Variants in ADD1 observed in about 807,000 individuals in gnomAD.
The protein encoded by ADD1 is adducin 1, also known as alpha-adducin.
In ADD1, 24 loss-of-function variants were observed where a neutral mutation model predicts 80.5. The ratio of observed to expected loss-of-function variants is 0.30; its 90% CI spans 0.22 to 0.42. The LOEUF is 0.42. Ranked by LOEUF, ADD1 falls within the 10% of genes least tolerant of loss-of-function variation. The probability of loss-of-function intolerance (pLI) is 1.00; values close to 1 mark genes in which losing one functional copy is unlikely to be tolerated. For synonymous variants in ADD1, 373 were observed against 393.8 expected, an observed-to-expected ratio of 0.95 and a Z score of 0.63; for missense variants, 948 against 1,019.0, an observed-to-expected ratio of 0.93 and a Z score of 0.95.
chr4:2,877,128 G>GT (rs1731483025), intron 2 of ADD1, among the ~76,000 whole-genome samples: 1 of 152,152 alleles, frequency 6.6e-6, no homozygotes, highest in South Asian at 2.1e-4. Flanking sequence ...CCAACTGAGT[G>GT]TTTTCCAGAT....
rs762826169 is a variant in ADD1 at position 2,875,955 on chromosome 4, C to A, written c.40C>A (p.Pro14Thr). ...DSRAAVVTSP[P>T]PTTAPHKERY... ...TCGTGCTGCGGTGGTGACCTCACCA[C>A]CCCCGACCACAGCCCCTCACAAGGA... The change falls in exon 2 of 16, where the codon CCC becomes ACC. Residue 14 changes from proline (P) to threonine (T), a missense_variant. Coordinates refer to ENST00000683351, the MANE Select transcript of ADD1 (RefSeq NM_001354761.2). The A allele has an allele frequency of 6.2e-7, 1 of 1,613,006 alleles. No homozygotes were observed. Among genetic ancestry groups the A allele is most frequent in the African/African-American group, 1.3e-5 (1 of 74,990 alleles).
intron 6 of ADD1, among the ~76,000 whole-genome samples, chr4:2,894,982 C>T (rs1014361792): frequency 1.3e-5 from 2 of 151,828 alleles, no homozygotes; most frequent in South Asian, 2.1e-4. Context: ...AACAATTGGC[C>T]GGGCATGGTG....
chr4:2,920,967 G>C (rs1173883206), intron 14 of ADD1, among the ~76,000 whole-genome samples: 1 of 152,124 alleles, frequency 6.6e-6, no homozygotes, highest in Non-Finnish European at 1.5e-5. Flanking sequence ...TTTGCAGTGG[G>C]TGGAACTGGT....
intron 3 of ADD1, among the ~76,000 whole-genome samples, chr4:2,882,950 C>T (rs934030321): frequency 2.0e-5 from 3 of 152,114 alleles, no homozygotes; most frequent in Admixed American, 6.5e-5. Context: ...AAACTACCAC[C>T]TCCCAGGTTC....
Position 2,904,950 on chromosome 4 carries a change from T to C in ADD1, c.1348T>C (p.Ser450Pro), listed in dbSNP as rs1428445669. Residue 450 changes from serine (S) to proline (P), a missense_variant, in exon 10 of 16, where the codon TCT becomes CCT. Coordinates refer to ENST00000683351, the MANE Select transcript of ADD1 (RefSeq NM_001354761.2). The stretch of plus-strand genomic sequence containing the variant: ...GCGGGAGAAGACAAGATGGCTGAAC[T>C]CTGGCCGGGGCGACGAAGCTTCCGA... The part of the protein sequence containing the change: ...QQREKTRWLN[S>P]GRGDEASEEG... 6 of 1,614,200 alleles carry C rather than the reference T, an allele frequency of 3.7e-6. No individual in the cohort carries two copies. The highest frequency in any genetic ancestry group is 5.1e-6 in the Non-Finnish European group (6 of 1,180,030).
chr4:2,893,294 G>A (rs1165839461), intron 4 of ADD1, among the ~76,000 whole-genome samples: 2 of 151,056 alleles, frequency 1.3e-5, no homozygotes, highest in Admixed American at 6.6e-5. Flanking sequence ...AAAAAAAAAA[G>A]GACATTCTGT....
intron 3 of ADD1, among the ~76,000 whole-genome samples, chr4:2,883,912 C>T (rs913778262): frequency 1.1e-4 from 16 of 152,188 alleles, no homozygotes; most frequent in Admixed American, 2.0e-4. Flanking sequence ...ACCTTGTGAT[C>T]CTCCCGCCTC....
At chr4:2,855,010 C>T (rs1727856230) in intron 1 of ADD1, 1 of 152,206 alleles carries the variant, frequency 6.6e-6, no homozygotes, top group Non-Finnish European at 1.5e-5. Context: ...GGCTGCATCA[C>T]TCCAATCTTT....
chr4:2,880,463 C>CTTTTTTTT (rs1167878841), intron 2 of ADD1, among the ~76,000 whole-genome samples: 1,514 of 63,364 alleles, frequency 0.024, 68 homozygotes, highest in Non-Finnish European at 0.03. Context: ...TTCTTTCTTT[C>CTTTTTTTT]TTTTTTTTTT....
rs1164133602 is a variant in ADD1, at chr4:2,881,989, A to G, written c.287A>G (p.Asp96Gly). 1 of 1,613,324 alleles carries G rather than the reference A, an allele frequency of 6.2e-7. No homozygotes were observed. The highest frequency in any genetic ancestry group is 8.5e-7 in the Non-Finnish European group (1 of 1,179,864). ...CTATTGGCATTACAGCAGATTGCAGATTTTATGACCACGAATGTACCAAAT... is the reference window on the plus strand; with the variant it reads ...CTATTGGCATTACAGCAGATTGCAGGTTTTATGACCACGAATGTACCAAAT... ...TGLLALQQIA[D>G]FMTTNVPNVY... is the part of the protein sequence containing the mutation. The change falls in exon 3 of 16, where the codon GAT (aspartate) becomes GGT (glycine). Residue 96 changes from aspartate to glycine, a missense_variant. Coordinates refer to ENST00000683351, the MANE Select transcript of ADD1 (RefSeq NM_001354761.2).
At chr4:2,873,051 C>A (rs1052100747) in intron 1 of ADD1, among the ~76,000 whole-genome samples, 1 of 151,730 alleles carries the variant, frequency 6.6e-6, no homozygotes, top group South Asian at 2.1e-4. Flanking sequence ...TGGAGTGCAG[C>A]GGCATGACTC....
chr4:2,922,603 G>C lies in ADD1; in HGVS notation c.1949-3411G>C, dbSNP rs531482142. Among the ~76,000 whole-genome samples the C allele has an allele frequency of 7.8e-4, 119 of 152,332 alleles. 1 individual carries two copies. The highest frequency in any genetic ancestry group is 2.1e-3 in the Admixed American group (32 of 15,304). Reference sequence around the variant, plus strand: ...CCTGCCGGGAGGTGTCTCCCAGTCAGGAGGCACAGGGGTCAGGGACCCACT... The same window carrying C: ...CCTGCCGGGAGGTGTCTCCCAGTCACGAGGCACAGGGGTCAGGGACCCACT... On this transcript the variant is annotated intron_variant, in intron 14 of 15. Coordinates refer to ENST00000683351, the MANE Select transcript of ADD1 (RefSeq NM_001354761.2).
intron 6 of ADD1, among the ~76,000 whole-genome samples, chr4:2,897,351 G>A (rs1735407613): frequency 6.6e-6 from 1 of 150,874 alleles, no homozygotes; most frequent in African/African-American, 2.4e-5. Context: ...CTCTTTGAGA[G>A]TCAATTTTAC....
intron 1 of ADD1, among the ~76,000 whole-genome samples, chr4:2,860,710 A>T (rs1728713370): frequency 6.6e-6 from 1 of 152,218 alleles, no homozygotes; most frequent in Non-Finnish European, 1.5e-5. Context: ...TGACAGTAAT[A>T]CTAAGAGTTA....
intron 1 of ADD1, among the ~76,000 whole-genome samples, chr4:2,866,236 G>T (rs1729527112): frequency 6.6e-6 from 1 of 152,154 alleles, no homozygotes; most frequent in Non-Finnish European, 1.5e-5. Flanking sequence ...GCACAATCTC[G>T]GCTTACTGCA....
chr4:2,872,559 G>A (rs1185091141), intron 1 of ADD1, among the ~76,000 whole-genome samples: 1 of 152,140 alleles, frequency 6.6e-6, no homozygotes, highest in Non-Finnish European at 1.5e-5. Context: ...TAATGTTTAT[G>A]TTACATTTAT....
chr4:2,923,956 G>C (rs1017677850), intron 14 of ADD1, among the ~76,000 whole-genome samples: 1 of 152,226 alleles, frequency 6.6e-6, no homozygotes, highest in Non-Finnish European at 1.5e-5. Flanking sequence ...CGCTCTGAAC[G>C]TCCTTACTGT....
chr4:2,893,820 A>G (rs1340903356), intron 4 of ADD1, among the ~76,000 whole-genome samples, 193 bp from the exon 5 acceptor site: 1 of 152,152 alleles, frequency 6.6e-6, no homozygotes, highest in Non-Finnish European at 1.5e-5. Context: ...AGCACTTCAT[A>G]TATGTGATAA....
At chr4:2,891,079 G>C (rs1734223365) in intron 4 of ADD1, among the ~76,000 whole-genome samples, 1 of 150,490 alleles carries the variant, frequency 6.6e-6, no homozygotes, top group South Asian at 2.1e-4. Flanking sequence ...GAGCTCAAAA[G>C]TTTGGGACCA....
Sources: gnomAD v4.1 joint callset for allele counts (sites outside exome capture counted in the v4.1 genomes callset) on GRCh38, gnomAD v4.1.1 for gene constraint, MANE v1.5 for transcripts, NCBI Gene and HGNC (gene_info 2026-07-23, HGNC 2026-07-21) for gene names.